The following RPIA variants were observed in gnomAD, a reference collection of about 807,000 sequenced individuals.
RPIA encodes ribose-5-phosphate isomerase.
A neutral mutation model predicts 37.8 loss-of-function variants in RPIA; 29 were observed. The observed-to-expected ratio is 0.77, with a 90% CI of 0.57 to 1.05. RPIA has a LOEUF of 1.05. Among genes scored for constraint, RPIA ranks in the 50% least tolerant of loss-of-function variants. RPIA has a pLI of 0.00. For missense variants in RPIA, 385 were observed against 413.6 expected (o/e 0.93, Z 0.60); for synonymous variants, 167 against 157.0 (o/e 1.06, Z -0.48).
chr2:88,740,491 T>C (rs1181464809), intron 8 of RPIA, among the ~76,000 whole-genome samples: 3 of 152,210 alleles, frequency 2.0e-5, no homozygotes, highest in African/African-American at 7.2e-5. Flanking sequence ...ATCAGGAGAA[T>C]AGAAGTAGGG....
intron 1 of RPIA, among the ~76,000 whole-genome samples, chr2:88,695,823 C>T (rs1170812278): frequency 6.6e-6 from 1 of 152,126 alleles, no homozygotes; most frequent in Non-Finnish European, 1.5e-5. Context: ...CAGTTTCCAC[C>T]AGGTCAATAA....
intron 8 of RPIA, among the ~76,000 whole-genome samples, chr2:88,743,609 T>C (rs1395629069): frequency 6.6e-6 from 1 of 152,194 alleles, no homozygotes; most frequent in Admixed American, 6.5e-5. Context: ...TTCAGTAGGA[T>C]TGCTACCAAT....
chr2:88,695,693 A>G (rs1452186820), intron 1 of RPIA, among the ~76,000 whole-genome samples: 1 of 152,168 alleles, frequency 6.6e-6, no homozygotes, highest in East Asian at 1.9e-4. Flanking sequence ...CAACTTTACT[A>G]CACACATTGC....
intron 8 of RPIA, among the ~76,000 whole-genome samples, chr2:88,745,283 A>G (rs1673427183): frequency 1.3e-5 from 2 of 152,132 alleles, no homozygotes; most frequent in Admixed American, 1.3e-4. Context: ...TTCAGCGTTA[A>G]TATTGAGATA....
At chr2:88,699,857 AC>A in intron 2 of RPIA, 151 bp from the exon 3 acceptor site, 2 of 781,158 alleles carry the variant, frequency 2.6e-6, no homozygotes, top group Non-Finnish European at 4.4e-6. Flanking sequence ...ACAGTCACCA[AC>A]TTTCCCACCA....
intron 8 of RPIA, among the ~76,000 whole-genome samples, chr2:88,738,701 T>C (rs1045905102): frequency 1.3e-5 from 2 of 152,218 alleles, no homozygotes; most frequent in South Asian, 2.1e-4. Flanking sequence ...AATGTGAGGA[T>C]GTTCTATGGT....
In RPIA at chr2:88,696,707, A is replaced by G. The variant is rs143878155; in HGVS notation, c.286-1777A>G. On this transcript the variant is annotated intron_variant, in intron 1 of 8. Coordinates refer to ENST00000283646, the MANE Select transcript of RPIA (RefSeq NM_144563.3). ...TCTTAGTCCATTTTGTGCTGCTATA[A>G]TAGAATACCTGAGAATGAGTAATTT... Among the ~76,000 whole-genome samples, 280 of 152,286 alleles carry G rather than the reference A, an allele frequency of 1.8e-3. 5 individuals carry two copies. The East Asian group carries it at 0.046, about 25-fold the overall frequency.
rs61633535 is a variant in RPIA, at chr2:88,694,979, C to CAAAAA, written c.285+3008_285+3012dup. 6.7e-5 allele frequency among the ~76,000 whole-genome samples: 8 copies of CAAAAA among 119,140 alleles called. 1 individual carries two copies. Among genetic ancestry groups the CAAAAA allele is most frequent in the African/African-American group, 1.7e-4 (6 of 34,544 alleles). 78.2% of individuals were successfully genotyped at this position (119,140 alleles called of 152,430 possible). A position where few individuals can be genotyped will look rare whatever the true frequency, so the allele number is the denominator to read the frequency against. Reference sequence around the variant, plus strand: ...CAATCATACCTATTCAATAAAGTCTCAAAAAAAAAAAAAAAAGAAAAAGAA... The same window carrying CAAAAA: ...CAATCATACCTATTCAATAAAGTCTCAAAAAAAAAAAAAAAAAAAAAGAAAAAGAA... On this transcript the variant is annotated intron_variant, in intron 1 of 8. Transcript: ENST00000283646.
intron 3 of RPIA, among the ~76,000 whole-genome samples, chr2:88,707,338 G>T (rs1229644777): frequency 1.3e-5 from 2 of 151,550 alleles, no homozygotes; most frequent in Non-Finnish European, 2.9e-5. Context: ...TACACTTTTA[G>T]CTTGTCCTAA....
chr2:88,722,610 A>G (rs1673147812), intron 3 of RPIA, among the ~76,000 whole-genome samples: 1 of 152,190 alleles, frequency 6.6e-6, no homozygotes, highest in South Asian at 2.1e-4. Context: ...TTAGCTTTGA[A>G]ACAAAGACGT....
chr2:88,708,032 T>C (rs551052143), intron 3 of RPIA, among the ~76,000 whole-genome samples: 1 of 152,358 alleles, frequency 6.6e-6, no homozygotes, highest in African/African-American at 2.4e-5. Flanking sequence ...TCAGTTAGAT[T>C]AGCAGTTTCC....
intron 2 of RPIA, among the ~76,000 whole-genome samples, chr2:88,699,699 TTTGGG>T (rs1672804532): frequency 6.6e-6 from 1 of 152,146 alleles, no homozygotes; most frequent in South Asian, 2.1e-4. Flanking sequence ...TAACTTACCT[TTTGGG>T]TTGTTAGGAT....
intron 8 of RPIA, among the ~76,000 whole-genome samples, chr2:88,746,628 C>A (rs1673440868): frequency 6.6e-6 from 1 of 152,182 alleles, no homozygotes; most frequent in Admixed American, 6.5e-5. Context: ...GGTCCCCGAG[C>A]TGTGGATACC....
intron 5 of RPIA, 87 bp from the exon 6 acceptor site, chr2:88,735,582 A>T: frequency 8.6e-7 from 1 of 1,162,662 alleles, no homozygotes; most frequent in Non-Finnish European, 1.3e-6. Context: ...GCCAGGATTG[A>T]GTGGATTTGG....
At chr2:88,722,396 A>G (rs560332557) in intron 3 of RPIA, among the ~76,000 whole-genome samples, 1 of 152,210 alleles carries the variant, frequency 6.6e-6, no homozygotes, top group African/African-American at 2.4e-5. Flanking sequence ...TTTGTCTACA[A>G]GTATTTATCC....
chr2:88,710,206 C>T (rs1163466074), intron 3 of RPIA, among the ~76,000 whole-genome samples: 1 of 152,082 alleles, frequency 6.6e-6, no homozygotes, highest in African/African-American at 2.4e-5. Flanking sequence ...GCCACCATGC[C>T]TAGCTTTTTA....
chr2:88,734,189 A>AT (rs11384447), intron 4 of RPIA, among the ~76,000 whole-genome samples: 9,345 of 151,750 alleles, frequency 0.062, 518 homozygotes, highest in African/African-American at 0.15. Flanking sequence ...AATGTCTAAG[A>AT]TTTTTTATTC....
intron 3 of RPIA, among the ~76,000 whole-genome samples, chr2:88,712,700 A>G (rs560856420): frequency 1.3e-5 from 2 of 152,308 alleles, no homozygotes; most frequent in East Asian, 1.9e-4. Context: ...TTTCCAGCAC[A>G]GTGGGTATCC....
chr2:88,694,171 G>C (rs184757653), intron 1 of RPIA, among the ~76,000 whole-genome samples: 30 of 152,328 alleles, frequency 2.0e-4, no homozygotes, highest in African/African-American at 6.7e-4. Context: ...TTCTGCTGTT[G>C]GGCCACCTCA....
Sources: gnomAD v4.1 joint callset for allele counts (sites outside exome capture counted in the v4.1 genomes callset) on GRCh38, gnomAD v4.1.1 for gene constraint, MANE v1.5 for transcripts, NCBI Gene and HGNC (gene_info 2026-07-23, HGNC 2026-07-21) for gene names.